Variants in ABCB6 observed in about 807,000 individuals in gnomAD.
ABCB6 encodes ATP-binding cassette sub-family B member 6.
A neutral mutation model predicts 99.4 loss-of-function variants in ABCB6; 87 were observed. The ratio of observed to expected loss-of-function variants is 0.88; its 90% confidence interval spans 0.74 to 1.05. ABCB6 has a LOEUF of 1.05. ABCB6 is among the 50% of genes least tolerant of loss of function. The pLI is 0.00. For missense variants in ABCB6, 1,050 were observed against 1,097.9 expected (o/e 0.96, Z 0.62); for synonymous variants, 482 against 447.5 (o/e 1.08, Z -0.97).
At chr2:219,217,878 G>A in intron 1 of ABCB6, 71 bp from the exon 2 acceptor site, 1 of 1,558,470 alleles carries the variant, frequency 6.4e-7, no homozygotes, top group Non-Finnish European at 8.7e-7. Context: ...TTATAATAGG[G>A]CCGGGGACTG....
At chr2:219,214,726 C>G in intron 6 of ABCB6, 3 of 632,516 alleles carry the variant, frequency 4.7e-6, no homozygotes, top group Non-Finnish European at 8.2e-6. Flanking sequence ...GCTTCCTTGA[C>G]CTGTGTCCAC....
In ABCB6 at chr2:219,218,285, C is replaced by T. The variant is rs919566405; in HGVS notation, c.389G>A (p.Ser130Asn). The T allele has an allele frequency of 6.2e-7, 1 of 1,613,228 alleles. No homozygotes were observed. The highest frequency in any genetic ancestry group is 8.5e-7 in the Non-Finnish European group (1 of 1,180,046). Residue 130 changes from serine (S) to asparagine (N), a missense_variant, in exon 1 of 19, where the codon AGC (serine) becomes AAC (asparagine). Physicochemically the swap from Ser to Asn is conservative, Grantham distance 46. Transcript: ENST00000265316. ...CGLWLLVVERSQARQRLAMGI... is the reference protein window; with the variant it reads ...CGLWLLVVERNQARQRLAMGI... The stretch of plus-strand genomic sequence containing the variant: ...CATTGCCAGACGCTGCCGTGCCTGG[C>T]TCCGCTCCACGACAAGCAGCCACAG...
chr2:219,215,111 A>C lies in ABCB6; in HGVS notation c.1155-29T>G, dbSNP rs748727269. On this transcript the variant is annotated intron_variant, in intron 5 of 18. Coordinates refer to ENST00000265316, the MANE Select transcript of ABCB6 (RefSeq NM_005689.4). The stretch of plus-strand genomic sequence containing the variant: ...GGAGGGCAGGTCAAGTGAATAAGAA[A>C]GGTCTGGGGGCTTAGACCCAGCAAC... 21 of 1,613,658 alleles carry C rather than the reference A, an allele frequency of 1.3e-5. No homozygotes were observed. In the Admixed American group the frequency reaches 3.5e-4, roughly 27 times the overall value.
intron 16 of ABCB6, 51 bp from the exon 17 acceptor site, chr2:219,210,526 G>A: frequency 6.2e-7 from 1 of 1,603,842 alleles, no homozygotes; most frequent in Non-Finnish European, 8.5e-7. Context: ...AACCCTCAAT[G>A]GAAGGAGGCA....
rs185608106 is a variant in ABCB6, at chr2:219,216,683, A to T, written c.837T>A (p.Asn279Lys). The T allele has an allele frequency of 2.0e-5, 32 of 1,575,056 alleles. No homozygotes were observed. The highest frequency in any genetic ancestry group is 2.8e-5 in the Non-Finnish European group (32 of 1,160,372). ...TCCTATAGAATATAGGCACCAACAC[A>T]TTGAGTGCCCGTTCCAAACCCATGA... is the stretch of plus-strand genomic sequence containing the variant. The part of the protein sequence containing the change: ...LGLMGLERAL[N>K]VLVPIFYRNI... Residue 279 changes from asparagine to lysine, a missense_variant, in exon 3 of 19, where the codon AAT (asparagine) becomes AAA (lysine). Asn to Lys is a moderately conservative substitution (Grantham distance 94, BLOSUM62 0). Transcript: ENST00000265316. This position sits in a 1 kb window ranked among gnomAD's most constrained non-coding sequence, Gnocchi z 4.2.
chr2:219,210,402 G>C lies in ABCB6; in HGVS notation c.2330C>G (p.Thr777Ser). ...GTACCTGTGTGCCACTACGATGGTG[G>C]TGCGGTTGGCACAGACTTTGGCCAG... ...ASLAKVCANR[T>S]TIVVAHRLST... is the part of the protein sequence containing the mutation. Residue 777 changes from threonine (T) to serine (S), a missense_variant, in exon 17 of 19, where the codon ACC becomes AGC. Physicochemically the swap from Thr to Ser is moderately conservative, Grantham distance 58. Coordinates refer to ENST00000265316, the MANE Select transcript of ABCB6 (RefSeq NM_005689.4). The C allele has an allele frequency of 6.2e-7, 1 of 1,614,198 alleles. No homozygotes were observed. Among genetic ancestry groups the C allele is most frequent in the South Asian group, 1.1e-5 (1 of 91,082 alleles).
At chr2:219,212,258 A>C (rs1053871673) in intron 14 of ABCB6, 129 bp downstream of exon 14, 7 of 701,390 alleles carry the variant, frequency 1.0e-5, no homozygotes, top group African/African-American at 1.8e-5. Context: ...GTGTGACTGT[A>C]GGTTATATCA....
chr2:219,211,235 C>A (rs1950575508), intron 14 of ABCB6, 127 bp from the exon 15 acceptor site: 2 of 970,638 alleles, frequency 2.1e-6, no homozygotes, highest in Non-Finnish European at 1.6e-6. Flanking sequence ...TGCCCCATAT[C>A]CTAGCCGTGT....
In ABCB6 at chr2:219,216,557, C is replaced by CCA. The variant is rs1262294736; in HGVS notation, c.868+93_869-93dup. On this transcript the variant is annotated intron_variant, in intron 3 of 18. Transcript: ENST00000265316. The surrounding 1 kb of genome is among the most constrained non-coding windows in gnomAD (Gnocchi z 4.2). ...GGTACCAGCCACAGTCTCTTTCTGA[C>CCA]CACCCAGCTCTGTCCCACCTCCCTA... 3.2e-6 allele frequency: 5 copies of CCA among 1,539,592 alleles called. No individual in the cohort carries two copies. Among genetic ancestry groups the CCA allele is most frequent in the Non-Finnish European group, 4.4e-6 (5 of 1,133,068 alleles).
At chr2:219,213,720 CTT>C in intron 9 of ABCB6, 54 bp from the exon 10 acceptor site, 1 of 1,613,628 alleles carries the variant, frequency 6.2e-7, no homozygotes, top group Non-Finnish European at 8.5e-7. Flanking sequence ...GGCCGCTCTT[CTT>C]GTGTCACCCT....
intron 8 of ABCB6, 56 bp downstream of exon 8, chr2:219,214,065 A>C (rs971598448): frequency 2.9e-5 from 47 of 1,613,044 alleles, no homozygotes; most frequent in Non-Finnish European, 3.8e-5. Context: ...CTTGGCCCTG[A>C]AAATTCTACC....
chr2:219,216,488 C>T lies in ABCB6; in HGVS notation c.869-23G>A. 2.5e-6 allele frequency: 4 copies of T among 1,610,252 alleles called. No individual in the cohort carries two copies. The highest frequency in any genetic ancestry group is 1.1e-5 in the South Asian group (1 of 90,930). On this transcript the variant is annotated intron_variant, in intron 3 of 18. Coordinates refer to ENST00000265316, the MANE Select transcript of ABCB6 (RefSeq NM_005689.4). This position sits in a 1 kb window ranked among gnomAD's most constrained non-coding sequence, Gnocchi z 4.2. The stretch of plus-strand genomic sequence containing the variant: ...TCACTGTGGAGGAAACGAGTCAGAA[C>T]CCACTTATGGCGCCCAGGACTCTCT...
At position 219,218,900 on chromosome 2, in the gene ABCB6, G is replaced by A. The variant is rs937654415; in HGVS notation, c.-227C>T. ...CACGCAGGGCACGTACGCCGTCTCA[G>A]CACGGCCCCGCTGGCTCTGGGCCCG... On this transcript the variant is annotated 5_prime_UTR_variant, in exon 1 of 19. Coordinates refer to ENST00000265316, the MANE Select transcript of ABCB6 (RefSeq NM_005689.4). 3 of 504,190 alleles carry A rather than the reference G, an allele frequency of 6.0e-6. No individual in the cohort carries two copies. The highest frequency in any genetic ancestry group is 4.1e-5 in the Admixed American group (1 of 24,652). The allele number at this position is 504,190 out of a possible 1,614,324, so 31.2% of individuals were successfully genotyped here.
In ABCB6 at chr2:219,213,884, A is replaced by G. The variant is rs1559236594; in HGVS notation, c.1520T>C (p.Leu507Pro). The G allele has an allele frequency of 3.1e-6, 5 of 1,614,062 alleles. No homozygotes were observed. The highest frequency in any genetic ancestry group is 4.2e-6 in the Non-Finnish European group (5 of 1,179,944). The change falls in exon 9 of 19, where the codon CTC becomes CCC. Residue 507 changes from leucine (L) to proline (P), a missense_variant. By Grantham distance (98) the Leu-to-Pro change is moderately conservative. Coordinates refer to ENST00000265316, the MANE Select transcript of ABCB6 (RefSeq NM_005689.4). ...AAGCAGGGAGCCGGCGAGGAGCCCG[A>G]GCCCAATCACCAGGTTCTGGGTCTG... ...LNQTQNLVIG[L>P]GLLAGSLLCA...
rs1307984453 is a variant in ABCB6 at position 219,211,072 on chromosome 2, C to T, written c.2005G>A (p.Val669Met). The T allele has an allele frequency of 6.2e-7, 1 of 1,614,164 alleles. No individual in the cohort carries two copies. Among genetic ancestry groups the T allele is most frequent in the South Asian group, 1.1e-5 (1 of 91,090 alleles). ...TTAAAGAGGACAGTGTCTTGGGGCACAACTCCAATGTGAGACCGGAGAGAG... is the reference window on the plus strand; with the variant it reads ...TTAAAGAGGACAGTGTCTTGGGGCATAACTCCAATGTGAGACCGGAGAGAG... ...QASLRSHIGV[V>M]PQDTVLFNDT... The change falls in exon 15 of 19, where the codon GTG (valine) becomes ATG (methionine). Residue 669 changes from valine (V) to methionine (M), a missense_variant. Val to Met is a conservative substitution (Grantham distance 21). Coordinates refer to ENST00000265316, the MANE Select transcript of ABCB6 (RefSeq NM_005689.4).
rs1048241088 is a variant in ABCB6, at chr2:219,215,034, G to A, written c.1203C>T (p.Gly401=). The A allele has an allele frequency of 1.2e-6, 2 of 1,614,020 alleles. No homozygotes were observed. The highest frequency in any genetic ancestry group is 4.5e-5 in the East Asian group (2 of 44,894). The change falls in exon 6 of 19, where the codon GGC becomes GGT. Residue 401 remains glycine (G), a synonymous_variant. Transcript: ENST00000265316. ...TGAAGAACATGCTGAAGTAGATGAT[G>A]CCAATGATGATGTCGGCCAGCGTGG... ...VIPTLADIII[G]IIYFSMFFNA... is the part of the protein sequence containing the mutation.
Position 219,209,942 on chromosome 2 carries a change from C to T in ABCB6, c.2525G>A (p.Arg842Gln), listed in dbSNP as rs762664642. Reference sequence around the variant, plus strand: ...AGGGAAGTGGCCAAACTTTTGTCACCGTTCCATGGTCTGAGGCTTAGTGTC... The same window carrying T: ...AGGGAAGTGGCCAAACTTTTGTCACTGTTCCATGGTCTGAGGCTTAGTGTC... ...SEDTKPQTME[R>Q] The change falls in exon 19 of 19, where the codon CGG (arginine) becomes CAG (glutamine). Residue 842 changes from arginine to glutamine, a missense_variant. By Grantham distance (43) the Arg-to-Gln change is conservative (BLOSUM62 1). Transcript: ENST00000265316. 1.2e-5 allele frequency: 20 copies of T among 1,613,876 alleles called. No individual in the cohort carries two copies. The highest frequency in any genetic ancestry group is 6.7e-5 in the East Asian group (3 of 44,894).
Position 219,213,305 on chromosome 2 carries a change from C to T in ABCB6, c.1741G>A (p.Gly581Arg). 2 of 1,614,126 alleles carry T rather than the reference C, an allele frequency of 1.2e-6. No homozygotes were observed. Among genetic ancestry groups the T allele is most frequent in the Non-Finnish European group, 1.7e-6 (2 of 1,180,034 alleles). ...CGGCCCTTCTGAAAGCGAAGGGGCC[C>T]TGCTCCAGGAAGGTCCTTCACCTGG... ...ETEVKDLPGA[G>R]PLRFQKGRIE... is the part of the protein sequence containing the mutation. The change falls in exon 12 of 19, where the codon GGG (glycine) becomes AGG (arginine). Residue 581 changes from glycine (G) to arginine (R), a missense_variant. Coordinates refer to ENST00000265316, the MANE Select transcript of ABCB6 (RefSeq NM_005689.4).
intron 17 of ABCB6, 40 bp from the exon 18 acceptor site, chr2:219,210,338 A>G: frequency 6.2e-7 from 1 of 1,614,140 alleles, no homozygotes; most frequent in Non-Finnish European, 8.5e-7. Flanking sequence ...CCCCACCCAA[A>G]GCGGGCCACA....
Sources: allele counts gnomAD v4.1 joint callset, GRCh38; gene constraint gnomAD v4.1.1; non-coding constraint Gnocchi (gnomAD v3.1); transcripts MANE v1.5; gene names NCBI Gene and HGNC (gene_info 2026-07-23, HGNC 2026-07-21).